The following PCDHGA11 variants were observed in gnomAD, a reference collection of about 807,000 sequenced individuals.
PCDHGA11 encodes protocadherin gamma subfamily A, 11, also known as protocadherin gamma-A11.
In PCDHGA11, 39 loss-of-function variants were observed where a neutral mutation model predicts 60.4. That is an observed-to-expected ratio of 0.65 (90% CI 0.50 to 0.84). PCDHGA11 has a LOEUF of 0.84. PCDHGA11 is among the 40% of genes least tolerant of loss of function. The pLI is 0.00. For missense variants in PCDHGA11, 1,165 were observed against 1,197.7 expected (o/e 0.97, Z 0.40); for synonymous variants, 533 against 510.3 (o/e 1.04, Z -0.60).
intron 2 of PCDHGA11, among the ~76,000 whole-genome samples, chr5:141,498,944 A>G (rs1249475504): frequency 7.2e-6 from 1 of 139,096 alleles, no homozygotes; most frequent in Non-Finnish European, 1.6e-5. Flanking sequence ...AAAGAAAGAA[A>G]GAAAAAGAGA....
intron 1 of PCDHGA11, among the ~76,000 whole-genome samples, chr5:141,471,883 C>T (rs951573411): frequency 6.6e-6 from 1 of 152,084 alleles, no homozygotes; most frequent in Non-Finnish European, 1.5e-5. Flanking sequence ...GAGGCTGAAG[C>T]TAGGAAGATT....
intron 1 of PCDHGA11, among the ~76,000 whole-genome samples, chr5:141,456,288 G>A (rs371687260): frequency 1.4e-3 from 217 of 152,226 alleles, no homozygotes; most frequent in Middle Eastern, 6.8e-3. Context: ...GAAAAGGGGC[G>A]TCTAATGGAG....
At chr5:141,503,902 C>T (rs552180745) in intron 2 of PCDHGA11, among the ~76,000 whole-genome samples, 7 of 152,328 alleles carry the variant, frequency 4.6e-5, no homozygotes, top group African/African-American at 1.7e-4. Context: ...AATATGCACA[C>T]ACACAACGCA....
At position 141,499,506 on chromosome 5, in the gene PCDHGA11, CA is replaced by C. The variant is rs759983739; in HGVS notation, c.2492+4644del. Among the ~76,000 whole-genome samples, 6 of 152,086 alleles carry C rather than the reference CA, an allele frequency of 3.9e-5. No homozygotes were observed. The South Asian group carries it at 1.0e-3, about 26-fold the overall frequency. On this transcript the variant is annotated intron_variant, in intron 2 of 3. Coordinates refer to ENST00000398587, the MANE Select transcript of PCDHGA11 (RefSeq NM_018914.3). Reference sequence around the variant, plus strand: ...AACTACAGTTTAATATGAAACATTTCAAATATGTACAAAAGTAGAGAGAATG... The same window carrying C: ...AACTACAGTTTAATATGAAACATTTCAATATGTACAAAAGTAGAGAGAATG...
chr5:141,456,098 C>T (rs1222639126), intron 1 of PCDHGA11, among the ~76,000 whole-genome samples: 2 of 151,980 alleles, frequency 1.3e-5, no homozygotes, highest in Non-Finnish European at 2.9e-5. Flanking sequence ...GGGATTTCAC[C>T]GTGTTAGCCA....
intron 1 of PCDHGA11, 190 bp downstream of exon 1, chr5:141,423,850 A>G: frequency 1.6e-6 from 2 of 1,278,674 alleles, no homozygotes; most frequent in East Asian, 3.1e-5. Flanking sequence ...ATCTTTCAGA[A>G]CGTTTTTGTG....
intron 1 of PCDHGA11, among the ~76,000 whole-genome samples, chr5:141,488,534 A>C (rs1169478867): frequency 1.3e-5 from 2 of 152,292 alleles, no homozygotes; most frequent in East Asian, 3.9e-4. Flanking sequence ...AGAAAAGCTA[A>C]GTCCCATGTC....
intron 1 of PCDHGA11, chr5:141,428,236 G>T: frequency 5.8e-6 from 6 of 1,027,096 alleles, no homozygotes; most frequent in Non-Finnish European, 8.9e-6. Flanking sequence ...CAGCCTGCAG[G>T]AGGCACTGCC....
Position 141,422,738 on chromosome 5 carries a change from C to G in PCDHGA11, c.1511C>G (p.Ser504Cys). The change falls in exon 1 of 4, where the codon TCC becomes TGC. Residue 504 changes from serine to cysteine, a missense_variant. Coordinates refer to ENST00000398587, the MANE Select transcript of PCDHGA11 (RefSeq NM_018914.3). ...DDTVQGVPLS[S>C]YVSINSNTGV... ...ACTGTCCAGGGGGTGCCTCTGTCCT[C>G]CTATGTCTCTATTAACTCCAACACT... 6.2e-7 allele frequency: 1 copy of G among 1,609,538 alleles called. No homozygotes were observed. The highest frequency in any genetic ancestry group is 8.5e-7 in the Non-Finnish European group (1 of 1,177,380).
intron 1 of PCDHGA11, 91 bp downstream of exon 1, chr5:141,423,751 G>GGC: frequency 2.9e-6 from 1 of 349,040 alleles, no homozygotes; most frequent in African/African-American, 6.5e-5. Context: ...AAAACTGTTT[G>GGC]GGGGGGGGGT....
At position 141,421,164 on chromosome 5, in the gene PCDHGA11, A is replaced by C. The variant is rs1304650780; in HGVS notation, c.-64A>C. The C allele has an allele frequency of 7.0e-6, 9 of 1,286,298 alleles. No homozygotes were observed. The highest frequency in any genetic ancestry group is 9.4e-6 in the Non-Finnish European group (9 of 952,540). 79.7% of individuals were successfully genotyped at this position (1,286,298 alleles called of 1,614,324 possible). A position where few individuals can be genotyped will look rare whatever the true frequency, so the allele number is the denominator to read the frequency against. On this transcript the variant is annotated 5_prime_UTR_variant, in exon 1 of 4. Transcript: ENST00000398587. ...ATGTAGTCGGCCTAGGACTTCATAG[A>C]TACATAAGCCGATTCACAACCAACC...
intron 1 of PCDHGA11, among the ~76,000 whole-genome samples, chr5:141,457,289 G>A (rs907200077): frequency 2.0e-5 from 3 of 152,146 alleles, no homozygotes; most frequent in Non-Finnish European, 4.4e-5. Context: ...GAAGTTCCTT[G>A]GTTTTATTTT....
Position 141,477,289 on chromosome 5 carries a change from T to G in PCDHGA11, c.2434-17518T>G, listed in dbSNP as rs759477848. On this transcript the variant is annotated intron_variant, in intron 1 of 3. Coordinates refer to ENST00000398587, the MANE Select transcript of PCDHGA11 (RefSeq NM_018914.3). The surrounding 1 kb of genome is among the most constrained non-coding windows in gnomAD (Gnocchi z 4.9). ...AGAACGGGCTGGTGACCTGCGAAGT[T>G]CCACCGGGTCTCCCTTTCAGCCTTA... The G allele has an allele frequency of 3.2e-5, 52 of 1,614,046 alleles. No individual in the cohort carries two copies. Among genetic ancestry groups the G allele is most frequent in the Non-Finnish European group, 4.2e-5 (50 of 1,180,040 alleles).
intron 1 of PCDHGA11, chr5:141,427,221 T>C (rs1312743800): frequency 2.2e-6 from 1 of 456,628 alleles, no homozygotes; most frequent in Non-Finnish European, 4.4e-6. Context: ...TCGTAGCAGT[T>C]ATACCATGAG....
chr5:141,433,262 T>C (rs2097580507), intron 1 of PCDHGA11: 1 of 1,339,318 alleles, frequency 7.5e-7, no homozygotes, highest in Non-Finnish European at 1.0e-6. Context: ...GGTACGATCA[T>C]AGCTCACTGC....
chr5:141,471,112 G>A (rs1442344944), intron 1 of PCDHGA11, among the ~76,000 whole-genome samples: 3 of 147,914 alleles, frequency 2.0e-5, no homozygotes, highest in Non-Finnish European at 4.4e-5. Flanking sequence ...GCAGTGGTGC[G>A]ATCTTACCTT....
At position 141,494,872 on chromosome 5, in the gene PCDHGA11, G is replaced by T. The variant is rs917132299; in HGVS notation, c.2492+7G>T. On this transcript the variant is annotated splice_region_variant and intron_variant, in intron 2 of 3. Transcript: ENST00000398587. The stretch of plus-strand genomic sequence containing the variant: ...AGAGACCCGGCACCAGCGGGTAGGT[G>T]ACTGATTCTCCAGCCCACCCTCTTC... 7 of 1,614,010 alleles carry T rather than the reference G, an allele frequency of 4.3e-6. No homozygotes were observed. The highest frequency in any genetic ancestry group is 1.3e-5 in the African/African-American group (1 of 74,910).
chr5:141,485,744 G>T lies in PCDHGA11; in HGVS notation c.2434-9063G>T. 1 of 1,614,226 alleles carries T rather than the reference G, an allele frequency of 6.2e-7. No individual in the cohort carries two copies. Among genetic ancestry groups the T allele is most frequent in the Non-Finnish European group, 8.5e-7 (1 of 1,180,038 alleles). On this transcript the variant is annotated intron_variant, in intron 1 of 3. Transcript: ENST00000398587. The surrounding 1 kb of genome is among the most constrained non-coding windows in gnomAD (Gnocchi z 5.7). ...GAAGAAGCGCAGCGACGGCAGCCTG[G>T]TCCCAGAGCTGCTCCTGGAGAAGCC...
At chr5:141,449,407 G>A (rs1367837385) in intron 1 of PCDHGA11, among the ~76,000 whole-genome samples, 2 of 151,754 alleles carry the variant, frequency 1.3e-5, no homozygotes, top group Non-Finnish European at 2.9e-5. Flanking sequence ...AGGAGTTCAA[G>A]ACCAGCCTGG....
Sources: allele counts gnomAD v4.1 joint callset (sites outside exome capture counted in the v4.1 genomes callset), GRCh38; gene constraint gnomAD v4.1.1; non-coding constraint Gnocchi (gnomAD v3.1); transcripts MANE v1.5; gene names NCBI Gene and HGNC (gene_info 2026-07-23, HGNC 2026-07-21).